The following CTNNA2 variants were observed in gnomAD, a reference collection of about 807,000 sequenced individuals.
The protein encoded by CTNNA2 is catenin alpha 2.
In CTNNA2, 42 loss-of-function variants were observed where a neutral mutation model predicts 101.0. The ratio of observed to expected loss-of-function variants is 0.42; its 90% CI spans 0.32 to 0.54. CTNNA2 has a LOEUF of 0.54. Among genes scored for constraint, CTNNA2 ranks in the 20% least tolerant of loss-of-function variants. CTNNA2 has a pLI of 0.14. For missense variants in CTNNA2, 871 were observed against 1,223.1 expected, an observed-to-expected ratio of 0.71 and a Z score of 4.29; for synonymous variants, 450 against 456.4, an observed-to-expected ratio of 0.99 and a Z score of 0.18.
At chr2:80,636,550 G>A (rs938937839) in intron 18 of CTNNA2, among the ~76,000 whole-genome samples, 7 of 152,044 alleles carry the variant, frequency 4.6e-5, no homozygotes, top group African/African-American at 1.4e-4. Context: ...CCTGAGAATC[G>A]AATGAGGTAA....
At chr2:79,611,287 G>A (rs1678252992) in intron 1 of CTNNA2, among the ~76,000 whole-genome samples, 2 of 152,054 alleles carry the variant, frequency 1.3e-5, no homozygotes, top group South Asian at 2.1e-4. Flanking sequence ...TTGAGGGCAG[G>A]AATGTAGCTG....
chr2:79,662,739 C>G lies in CTNNA2; in HGVS notation c.102+11081C>G, dbSNP rs1216506009. Among the ~76,000 whole-genome samples, 3 of 152,186 alleles carry G rather than the reference C, an allele frequency of 2.0e-5. No individual in the cohort carries two copies. The East Asian group carries it at 5.8e-4, about 29-fold the overall frequency. ...CGATTGAAAGTAGGAAAGGTAAGCC[C>G]TATTTTCACATAACTAAAGAGGGAA... On this transcript the variant is annotated intron_variant, in intron 2 of 18. Coordinates refer to ENST00000402739, the MANE Select transcript of CTNNA2 (RefSeq NM_001282597.3).
chr2:80,097,349 C>T (rs1275905733), intron 7 of CTNNA2, among the ~76,000 whole-genome samples: 1 of 152,180 alleles, frequency 6.6e-6, no homozygotes, highest in Non-Finnish European at 1.5e-5. Flanking sequence ...TCTTTTCTCG[C>T]TTGTAGAGTT....
chr2:80,546,020 C>G lies in CTNNA2; in HGVS notation c.1497C>G (p.Ala499=), dbSNP rs200693218. ...AGCAGGTCCGAGTGTTGACAGAGGC[C>G]GTGGATGACATCACCTCAGTGGATG... is the stretch of plus-strand genomic sequence containing the variant. ...WEKQVRVLTE[A]VDDITSVDDF... is the part of the protein sequence containing the mutation. Residue 499 remains alanine (A), a synonymous_variant, in exon 11 of 19, where the codon GCC becomes GCG. Transcript: ENST00000402739. The G allele has an allele frequency of 3.7e-6, 6 of 1,614,034 alleles. No homozygotes were observed. The highest frequency in any genetic ancestry group is 5.1e-6 in the Non-Finnish European group (6 of 1,179,990).
At chr2:79,607,943 A>G (rs1678004442) in intron 1 of CTNNA2, among the ~76,000 whole-genome samples, 1 of 152,022 alleles carries the variant, frequency 6.6e-6, no homozygotes. Context: ...GAAAAGAAAA[A>G]CAGCAGAGAA....
At chr2:79,232,622 C>A (rs1236018302) in intron 2 of CTNNA2, among the ~76,000 whole-genome samples, 1 of 152,102 alleles carries the variant, frequency 6.6e-6, no homozygotes, top group Non-Finnish European at 1.5e-5. Context: ...GGTATCAGTT[C>A]TTCTTTGTAC....
chr2:79,386,186 A>G (rs962539109), intron 4 of CTNNA2, among the ~76,000 whole-genome samples: 3 of 152,216 alleles, frequency 2.0e-5, no homozygotes, highest in Admixed American at 1.3e-4. Context: ...TTTAACACAT[A>G]TCTCCGTAAT....
intron 2 of CTNNA2, among the ~76,000 whole-genome samples, chr2:79,302,632 C>G (rs1676139252): frequency 6.6e-6 from 1 of 152,114 alleles, no homozygotes; most frequent in Non-Finnish European, 1.5e-5. Context: ...TAAGACAGGA[C>G]TGTTTTTTGA....
chr2:79,547,344 AT>A (rs1175833248), intron 1 of CTNNA2: 5 of 152,190 alleles, frequency 3.3e-5, no homozygotes, highest in Non-Finnish European at 7.4e-5. Flanking sequence ...AAATTGTTTG[AT>A]ACTTTATGAA....
At chr2:80,002,919 C>A (rs1693058035) in intron 7 of CTNNA2, among the ~76,000 whole-genome samples, 1 of 152,154 alleles carries the variant, frequency 6.6e-6, no homozygotes, top group East Asian at 1.9e-4. Flanking sequence ...GCTCCTCCTG[C>A]CTGTGTCATT....
At chr2:79,329,617 C>G (rs540172283) in intron 3 of CTNNA2, among the ~76,000 whole-genome samples, 8 of 152,238 alleles carry the variant, frequency 5.3e-5, no homozygotes, top group African/African-American at 1.2e-4. Flanking sequence ...ACCATTCCCC[C>G]CAAGATTCTG....
intron 1 of CTNNA2, among the ~76,000 whole-genome samples, chr2:79,190,801 T>C (rs1312131735): frequency 6.6e-6 from 1 of 152,148 alleles, no homozygotes; most frequent in Non-Finnish European, 1.5e-5. Context: ...AGTAGGACTT[T>C]TTGTCGCAAG....
chr2:79,438,968 G>GT (rs1678748357), intron 4 of CTNNA2, among the ~76,000 whole-genome samples: 1 of 152,200 alleles, frequency 6.6e-6, no homozygotes, highest in African/African-American at 2.4e-5. Flanking sequence ...TAGGTTGCTA[G>GT]TGGGATTGTT....
rs1185799319 is a variant in CTNNA2, at chr2:80,302,618, T to G, written c.1057-90593T>G. On this transcript the variant is annotated intron_variant, in intron 7 of 18. Transcript: ENST00000402739. This position sits in a 1 kb window ranked among gnomAD's most constrained non-coding sequence, Gnocchi z 6.4. ...GGCAGGCTCGAATGTGCCGTCGTGC[T>G]GCCCCTCCCCGCCGTCCGCGAGCGT... The G allele has an allele frequency of 1.7e-5, 28 of 1,605,780 alleles. No individual in the cohort carries two copies. Among genetic ancestry groups the G allele is most frequent in the Non-Finnish European group, 2.3e-5 (27 of 1,178,414 alleles).
chr2:80,149,023 A>ATTTTT, intron 7 of CTNNA2, among the ~76,000 whole-genome samples: 1 of 124,824 alleles, frequency 8.0e-6, no homozygotes, highest in East Asian at 2.5e-4. Context: ...TTATTTTGTT[A>ATTTTT]TTTTTTTTTT....
At chr2:79,999,151 T>C (rs1692755520) in intron 7 of CTNNA2, among the ~76,000 whole-genome samples, 1 of 152,136 alleles carries the variant, frequency 6.6e-6, no homozygotes, top group South Asian at 2.1e-4. Context: ...GATCTGGTGG[T>C]AGAGGCTGTC....
chr2:80,645,191 A>T (rs2149867271), intron 18 of CTNNA2, among the ~76,000 whole-genome samples: 1 of 152,284 alleles, frequency 6.6e-6, no homozygotes, highest in East Asian at 1.9e-4. Flanking sequence ...AACTAATTTT[A>T]TGAATTAACA....
At chr2:79,622,890 T>C (rs1679084360) in intron 1 of CTNNA2, among the ~76,000 whole-genome samples, 1 of 152,136 alleles carries the variant, frequency 6.6e-6, no homozygotes, top group Admixed American at 6.6e-5. Flanking sequence ...ATATAGTACT[T>C]TGAATAATAG....
intron 6 of CTNNA2, among the ~76,000 whole-genome samples, chr2:79,907,044 T>A (rs540252185): frequency 1.3e-4 from 20 of 152,274 alleles, no homozygotes; most frequent in Middle Eastern, 6.8e-3. Flanking sequence ...ACTGAAGAGT[T>A]CAAATTTACC....
Sources: allele counts gnomAD v4.1 joint callset (sites outside exome capture counted in the v4.1 genomes callset), GRCh38; gene constraint gnomAD v4.1.1; non-coding constraint Gnocchi (gnomAD v3.1); transcripts MANE v1.5; gene names NCBI Gene and HGNC (gene_info 2026-07-23, HGNC 2026-07-21).